Variants in PINX1 observed in about 807,000 individuals in gnomAD.
The protein encoded by PINX1 is PIN2 (TERF1) interacting telomerase inhibitor 1.
PINX1 carries 34 observed loss-of-function variants against 25.4 expected under a neutral mutation model. That is an observed-to-expected ratio of 1.34 (90% CI 1.02 to 1.78). The LOEUF is 1.78. Ranked by LOEUF, PINX1 falls within the 40% of genes most tolerant of loss-of-function variation. PINX1 has a pLI of 0.00. For synonymous variants in PINX1, 197 were observed against 147.7 expected (o/e 1.33, Z -2.42); for missense variants, 592 against 404.9 (o/e 1.46, Z -3.97).
At chr8:10,818,922 G>A (rs552952172) in intron 6 of PINX1, among the ~76,000 whole-genome samples, 28 of 152,176 alleles carry the variant, frequency 1.8e-4, no homozygotes, top group South Asian at 8.3e-4. Flanking sequence ...GAAGAGTGGC[G>A]TAGTCCAGGT....
intron 5 of PINX1, among the ~76,000 whole-genome samples, chr8:10,820,614 T>G (rs1797838926): frequency 6.6e-6 from 1 of 152,154 alleles, no homozygotes; most frequent in Non-Finnish European, 1.5e-5. Context: ...GGGTTCTTCA[T>G]TTAAAAATAG....
At chr8:10,806,598 C>G (rs1802460250) in intron 6 of PINX1, among the ~76,000 whole-genome samples, 1 of 152,142 alleles carries the variant, frequency 6.6e-6, no homozygotes, top group Non-Finnish European at 1.5e-5. Flanking sequence ...CACTCCTTTC[C>G]TTCAATAACG....
rs775051617 is a variant in PINX1, at chr8:10,765,858, G to C, written c.530C>G (p.Thr177Ser). The C allele has an allele frequency of 6.2e-7, 1 of 1,613,802 alleles. No homozygotes were observed. The highest frequency in any genetic ancestry group is 8.5e-7 in the Non-Finnish European group (1 of 1,179,890). Residue 177 changes from threonine (T) to serine (S), a missense_variant, in exon 7 of 7, where the codon ACC (threonine) becomes AGC (serine). Transcript: ENST00000314787. ...ENETTTTSAFTIQEYFAKRMA... is the reference protein window; with the variant it reads ...ENETTTTSAFSIQEYFAKRMA... ...CCGCTTGGCAAAGTACTCCTGGATGGTGAAGGCGCTGGTTGTCGTGGTTTC... is the reference window on the plus strand; with the variant it reads ...CCGCTTGGCAAAGTACTCCTGGATGCTGAAGGCGCTGGTTGTCGTGGTTTC...
At chr8:10,780,051 G>T (rs907646320) in intron 6 of PINX1, among the ~76,000 whole-genome samples, 3 of 152,166 alleles carry the variant, frequency 2.0e-5, no homozygotes, top group Admixed American at 1.3e-4. Flanking sequence ...AGATACCAGA[G>T]ATTTTTGTAT....
At chr8:10,823,176 G>A (rs909902399) in intron 5 of PINX1, among the ~76,000 whole-genome samples, 1 of 152,192 alleles carries the variant, frequency 6.6e-6, no homozygotes, top group Non-Finnish European at 1.5e-5. Flanking sequence ...ACTGAGGGGC[G>A]GGGCTGACTG....
chr8:10,799,451 C>G (rs541855387), intron 6 of PINX1, among the ~76,000 whole-genome samples: 2 of 152,326 alleles, frequency 1.3e-5, no homozygotes, highest in South Asian at 4.1e-4. Context: ...TTCTGCCTGG[C>G]TCTGCCATTT....
chr8:10,800,064 C>G (rs1343582884), intron 6 of PINX1, among the ~76,000 whole-genome samples: 2 of 152,204 alleles, frequency 1.3e-5, no homozygotes, highest in Non-Finnish European at 2.9e-5. Flanking sequence ...TACACCACAC[C>G]ATTCTTGCAT....
chr8:10,812,612 A>AC (rs1300290515), intron 6 of PINX1, among the ~76,000 whole-genome samples: 1 of 152,126 alleles, frequency 6.6e-6, no homozygotes, highest in Non-Finnish European at 1.5e-5. Flanking sequence ...TGATAACCAC[A>AC]CCCATTTCTT....
chr8:10,839,824 T>C lies in PINX1; in HGVS notation c.-68A>G. ...TGCGGCCACTGGGCGGGCTGGAGAC[T>C]CCAGGAGAATCAGGACGTGCGTAAC... On this transcript the variant is annotated 5_prime_UTR_variant, in exon 1 of 7. Transcript: ENST00000314787. 6.8e-7 allele frequency: 1 copy of C among 1,478,448 alleles called. No homozygotes were observed. Among genetic ancestry groups the C allele is most frequent in the Non-Finnish European group, 9.3e-7 (1 of 1,079,618 alleles). 91.6% of individuals were successfully genotyped at this position (1,478,448 alleles called of 1,614,324 possible).
intron 1 of PINX1, 79 bp from the exon 2 acceptor site, chr8:10,834,854 T>C (rs988082265): frequency 1.5e-5 from 9 of 600,954 alleles, no homozygotes; most frequent in Admixed American, 1.4e-4. Context: ...ATGCACAACT[T>C]TGTGTATTTT....
intron 6 of PINX1, among the ~76,000 whole-genome samples, chr8:10,808,968 T>C (rs1314032283): frequency 1.3e-5 from 2 of 152,250 alleles, no homozygotes; most frequent in Admixed American, 1.3e-4. Flanking sequence ...GATATATGAA[T>C]TTGTTGGAAA....
intron 6 of PINX1, among the ~76,000 whole-genome samples, chr8:10,772,927 AT>A (rs71538086): frequency 0.41 from 59,631 of 146,442 alleles, 12,094 homozygotes; most frequent in Non-Finnish European, 0.46. Context: ...GTTTTTAATG[AT>A]TTTTTTTTTT....
intron 6 of PINX1, among the ~76,000 whole-genome samples, chr8:10,774,999 T>A (rs1004581571): frequency 6.6e-6 from 1 of 152,280 alleles, no homozygotes; most frequent in Middle Eastern, 3.4e-3. Flanking sequence ...ACAACTTATT[T>A]TTAGCATAGA....
At chr8:10,783,885 C>T (rs1355620783) in intron 6 of PINX1, among the ~76,000 whole-genome samples, 1 of 152,220 alleles carries the variant, frequency 6.6e-6, no homozygotes, top group East Asian at 1.9e-4. Context: ...CTGATCCTAA[C>T]ATTTTAAGAC....
chr8:10,781,706 G>A (rs1801592197), intron 6 of PINX1, among the ~76,000 whole-genome samples: 1 of 152,152 alleles, frequency 6.6e-6, no homozygotes, highest in African/African-American at 2.4e-5. Flanking sequence ...GCAAGAGTGT[G>A]GAGAAACAGG....
At chr8:10,828,374 G>A (rs1454770959) in intron 4 of PINX1, among the ~76,000 whole-genome samples, 2 of 152,206 alleles carry the variant, frequency 1.3e-5, no homozygotes, top group Non-Finnish European at 2.9e-5. Flanking sequence ...GAGGGACGAG[G>A]CGCTGGACTG....
chr8:10,783,829 A>G (rs1163403709), intron 6 of PINX1, among the ~76,000 whole-genome samples: 1 of 152,262 alleles, frequency 6.6e-6, no homozygotes, highest in Non-Finnish European at 1.5e-5. Flanking sequence ...GAAGGGAGTC[A>G]TTCTAAGACT....
chr8:10,772,576 G>A (rs1218495088), intron 6 of PINX1, among the ~76,000 whole-genome samples: 1 of 152,206 alleles, frequency 6.6e-6, no homozygotes, highest in Non-Finnish European at 1.5e-5. Context: ...CTCACATCTG[G>A]AATTAGGCTA....
At position 10,765,620 on chromosome 8, in the gene PINX1, T is replaced by G. The variant is rs564956750; in HGVS notation, c.768A>C (p.Pro256=). The G allele has an allele frequency of 6.2e-7, 1 of 1,613,874 alleles. No homozygotes were observed. Among genetic ancestry groups the G allele is most frequent in the African/African-American group, 1.3e-5 (1 of 75,062 alleles). Residue 256 remains proline (P), a synonymous_variant, in exon 7 of 7, where the codon CCA becomes CCC. Coordinates refer to ENST00000314787, the MANE Select transcript of PINX1 (RefSeq NM_017884.6). ...QERVAKKKSA[P]AEEQLRGPCW... is the part of the protein sequence containing the mutation. ...AGGGGCCTCTGAGCTGCTCTTCTGC[T>G]GGCGCGCTCTTCTTCTTGGCCACTC...
Sources: allele counts gnomAD v4.1 joint callset (sites outside exome capture counted in the v4.1 genomes callset), GRCh38; gene constraint gnomAD v4.1.1; transcripts MANE v1.5; gene names NCBI Gene and HGNC (gene_info 2026-07-23, HGNC 2026-07-21).